The following MNAT1 variants were observed in gnomAD, a reference collection of about 807,000 sequenced individuals.
The protein encoded by MNAT1 is MNAT1 component of CDK activating kinase.
In MNAT1, 43 loss-of-function variants were observed where a neutral mutation model predicts 42.0. That is an observed-to-expected ratio of 1.02 (90% CI 0.80 to 1.32). The LOEUF (loss-of-function observed/expected upper bound fraction) is 1.32. Ranked by LOEUF, MNAT1 falls within the 40% of genes most tolerant of loss-of-function variation. The pLI, the probability that MNAT1 is intolerant of heterozygous loss-of-function variation, is 0.00. For synonymous variants in MNAT1, 118 were observed against 120.0 expected (o/e 0.98, Z 0.11); for missense variants, 306 against 350.4 (o/e 0.87, Z 1.01).
intron 7 of MNAT1, among the ~76,000 whole-genome samples, chr14:60,952,175 C>G (rs1212384550): frequency 1.3e-5 from 2 of 152,158 alleles, no homozygotes; most frequent in African/African-American, 4.8e-5. Flanking sequence ...GAAAACCTCA[C>G]AGTTGACTTT....
chr14:60,768,687 G>A (rs893725611), intron 1 of MNAT1, among the ~76,000 whole-genome samples: 1 of 152,128 alleles, frequency 6.6e-6, no homozygotes, highest in Non-Finnish European at 1.5e-5. Flanking sequence ...CTAATTGGTA[G>A]GTATTGTAAA....
intron 6 of MNAT1, among the ~76,000 whole-genome samples, chr14:60,827,672 C>T (rs2033093232): frequency 6.6e-6 from 1 of 152,146 alleles, no homozygotes; most frequent in African/African-American, 2.4e-5. Context: ...GGTAGTAAAT[C>T]AAGTATAACA....
chr14:60,835,638 C>G (rs1274672464), intron 6 of MNAT1, among the ~76,000 whole-genome samples: 3 of 152,150 alleles, frequency 2.0e-5, no homozygotes, highest in African/African-American at 4.8e-5. Context: ...CAAGGGTAAC[C>G]TGACCTTTCT....
At chr14:60,797,861 T>C (rs1251758306) in intron 2 of MNAT1, among the ~76,000 whole-genome samples, 2 of 151,976 alleles carry the variant, frequency 1.3e-5, no homozygotes, top group Admixed American at 6.6e-5. Context: ...ACCAGAGAGA[T>C]GGAGGTAGCA....
At chr14:60,890,919 C>T (rs1381465330) in intron 7 of MNAT1, among the ~76,000 whole-genome samples, 1 of 152,168 alleles carries the variant, frequency 6.6e-6, no homozygotes, top group Non-Finnish European at 1.5e-5. Flanking sequence ...TGCATCCTTC[C>T]ATCCAATCAA....
At chr14:60,847,635 TCTC>T (rs1041516469) in intron 6 of MNAT1, among the ~76,000 whole-genome samples, 2 of 152,140 alleles carry the variant, frequency 1.3e-5, no homozygotes, top group African/African-American at 4.8e-5. Flanking sequence ...TTTTTGTTCT[TCTC>T]TTCCTCATTT....
In MNAT1 at chr14:60,753,117, A is replaced by G. The variant is rs112709343; in HGVS notation, c.89+18166A>G. On this transcript the variant is annotated intron_variant, in intron 1 of 7. Coordinates refer to ENST00000261245, the MANE Select transcript of MNAT1 (RefSeq NM_002431.4). Reference sequence around the variant, plus strand: ...AAATTATCCTAAAACTAAATGGCTTAAAATAACAAACATTTATTTTCTCAC... The same window carrying G: ...AAATTATCCTAAAACTAAATGGCTTGAAATAACAAACATTTATTTTCTCAC... Among the ~76,000 whole-genome samples the G allele has an allele frequency of 1.3e-3, 191 of 152,350 alleles. 1 individual carries two copies. The highest frequency in any genetic ancestry group is 4.4e-3 in the African/African-American group (182 of 41,594).
At chr14:60,835,003 C>G (rs2033347686) in intron 6 of MNAT1, among the ~76,000 whole-genome samples, 1 of 138,342 alleles carries the variant, frequency 7.2e-6, no homozygotes, top group Admixed American at 7.2e-5. Context: ...CTCCCTCCCT[C>G]CCTCCCTCTC....
chr14:60,776,822 G>T (rs1566761312), intron 1 of MNAT1, among the ~76,000 whole-genome samples: 1 of 151,750 alleles, frequency 6.6e-6, no homozygotes, highest in Non-Finnish European at 1.5e-5. Context: ...TAGTGTTGTG[G>T]TTTTTTTTGT....
intron 7 of MNAT1, among the ~76,000 whole-genome samples, chr14:60,888,137 C>T (rs1406850869): frequency 5.7e-5 from 8 of 141,094 alleles, no homozygotes; most frequent in Non-Finnish European, 1.2e-4. Flanking sequence ...TGGGCAGAGA[C>T]ACAACCAAAA....
intron 1 of MNAT1, among the ~76,000 whole-genome samples, chr14:60,777,203 G>A (rs2031284832): frequency 6.6e-6 from 1 of 152,128 alleles, no homozygotes; most frequent in South Asian, 2.1e-4. Context: ...GGGGAAATAT[G>A]CTTAAATAGC....
chr14:60,913,632 C>A (rs1257235646), intron 7 of MNAT1, among the ~76,000 whole-genome samples: 1 of 152,148 alleles, frequency 6.6e-6, no homozygotes, highest in Non-Finnish European at 1.5e-5. Flanking sequence ...GGGGAGGCTG[C>A]AGAACAGTGG....
chr14:60,749,570 C>G (rs2029984939), intron 1 of MNAT1, among the ~76,000 whole-genome samples: 1 of 152,128 alleles, frequency 6.6e-6, no homozygotes, highest in Admixed American at 6.5e-5. Context: ...AATGGGTTCA[C>G]TAGTAGTGAT....
intron 6 of MNAT1, among the ~76,000 whole-genome samples, chr14:60,859,986 A>T (rs1429227141): frequency 6.6e-6 from 1 of 152,250 alleles, no homozygotes; most frequent in Non-Finnish European, 1.5e-5. Flanking sequence ...GCTAGGCTTA[A>T]CTTTAAGAAA....
In MNAT1 at chr14:60,840,371, A is replaced by G. The variant is rs867969591; in HGVS notation, c.687+21524A>G. ...GGTGGGTAAAAGCATCTCATACTAC[A>G]GTGTATTTCTAAGGAAAGTGGTAAG... On this transcript the variant is annotated intron_variant, in intron 6 of 7. Transcript: ENST00000261245. Among the ~76,000 whole-genome samples the G allele has an allele frequency of 3.3e-5, 5 of 152,210 alleles. No homozygotes were observed. In the South Asian group the frequency reaches 1.0e-3, roughly 32 times the overall value.
At chr14:60,889,755 GA>G (rs2034788238) in intron 7 of MNAT1, among the ~76,000 whole-genome samples, 1 of 151,856 alleles carries the variant, frequency 6.6e-6, no homozygotes, top group African/African-American at 2.4e-5. Context: ...AAATTTGCAA[GA>G]AAAAACAAAC....
intron 1 of MNAT1, among the ~76,000 whole-genome samples, chr14:60,739,746 A>T (rs1275730631): frequency 2.6e-5 from 4 of 152,040 alleles, no homozygotes; most frequent in Middle Eastern, 6.8e-3. Flanking sequence ...GAAAATGGTA[A>T]TTTTTTTTCT....
At chr14:60,888,251 T>C (rs2034733120) in intron 7 of MNAT1, among the ~76,000 whole-genome samples, 1 of 150,602 alleles carries the variant, frequency 6.6e-6, no homozygotes, top group Non-Finnish European at 1.5e-5. Context: ...TTATCCACCA[T>C]GATCAAGTGG....
chr14:60,815,918 A>G (rs2139359718), intron 5 of MNAT1, among the ~76,000 whole-genome samples: 1 of 152,230 alleles, frequency 6.6e-6, no homozygotes, highest in Admixed American at 6.5e-5. Flanking sequence ...ATAAATGTTA[A>G]AATACTTTAA....
Sources: allele counts gnomAD v4.1 joint callset (sites outside exome capture counted in the v4.1 genomes callset), GRCh38; gene constraint gnomAD v4.1.1; transcripts MANE v1.5; gene names NCBI Gene and HGNC (gene_info 2026-07-23, HGNC 2026-07-21).